Variants in FAM120B observed in about 807,000 individuals in gnomAD.
The protein encoded by FAM120B is constitutive coactivator of peroxisome proliferator-activated receptor gamma.
In FAM120B, 83 loss-of-function variants were observed where a neutral mutation model predicts 96.3. The ratio of observed to expected loss-of-function variants is 0.86; its 90% CI spans 0.72 to 1.03. The LOEUF (loss-of-function observed/expected upper bound fraction) is 1.03. FAM120B is among the 50% of genes least tolerant of loss of function. FAM120B has a pLI of 0.00. For synonymous variants in FAM120B, 407 were observed against 402.7 expected, an observed-to-expected ratio of 1.01 and a Z score of -0.13; for missense variants, 1,027 against 1,121.2, an observed-to-expected ratio of 0.92 and a Z score of 1.20.
chr6:170,327,919 G>A (rs906034057), intron 3 of FAM120B, among the ~76,000 whole-genome samples: 1 of 152,174 alleles, frequency 6.6e-6, no homozygotes, highest in Admixed American at 6.5e-5. Context: ...GCACACGCAG[G>A]CTGCTCTGGT....
At chr6:170,356,506 A>T in intron 5 of FAM120B, among the ~76,000 whole-genome samples, 1 of 152,222 alleles carries the variant, frequency 6.6e-6, no homozygotes. Flanking sequence ...TGTTCAGTGC[A>T]TGAAAATGAC....
intron 2 of FAM120B, among the ~76,000 whole-genome samples, chr6:170,320,207 T>C (rs534262639): frequency 5.0e-4 from 76 of 152,322 alleles, no homozygotes; most frequent in African/African-American, 1.8e-3. Context: ...TACAACTACA[T>C]AGATCTGTAA....
chr6:170,303,275 T>C (rs1473400323), upstream of FAM120B, among the ~76,000 whole-genome samples: 1 of 152,224 alleles, frequency 6.6e-6, no homozygotes, highest in Non-Finnish European at 1.5e-5. Context: ...CGTCCTACTC[T>C]GTCACCCAGG....
intron 6 of FAM120B, among the ~76,000 whole-genome samples, chr6:170,368,823 G>GC (rs146108401): frequency 0.13 from 16,734 of 125,256 alleles, 1,157 homozygotes; most frequent in East Asian, 0.22. Flanking sequence ...CCGGGGCTGG[G>GC]GGGGGGGCTC....
chr6:170,388,234 C>T (rs182930196), intron 6 of FAM120B, 53 bp from the exon 7 acceptor site: 4 of 1,497,370 alleles, frequency 2.7e-6, no homozygotes, highest in Middle Eastern at 4.7e-4. Context: ...GATCTGTTTC[C>T]TGCATGTGTG....
At chr6:170,400,680 G>T (rs1204318976) in intron 9 of FAM120B, among the ~76,000 whole-genome samples, 1 of 152,134 alleles carries the variant, frequency 6.6e-6, no homozygotes, top group Non-Finnish European at 1.5e-5. Context: ...TTCCTTTCCT[G>T]GCATTAATTC....
chr6:170,384,469 G>A (rs367666481), intron 6 of FAM120B, among the ~76,000 whole-genome samples: 1 of 152,168 alleles, frequency 6.6e-6, no homozygotes, highest in Admixed American at 6.5e-5. Flanking sequence ...AAGCTGTTCC[G>A]TGCAGCTGCT....
intron 4 of FAM120B, among the ~76,000 whole-genome samples, chr6:170,346,139 T>C (rs957998559): frequency 6.6e-6 from 1 of 152,228 alleles, no homozygotes; most frequent in Admixed American, 6.5e-5. Flanking sequence ...AAAATGTTGT[T>C]ATGTGGCGCA....
chr6:170,343,474 G>A (rs1786972837), intron 4 of FAM120B, among the ~76,000 whole-genome samples: 1 of 151,984 alleles, frequency 6.6e-6, no homozygotes, highest in South Asian at 2.1e-4. Flanking sequence ...GCAAAATATT[G>A]ATTGAATTTA....
At chr6:170,330,407 G>A (rs887979044) in intron 3 of FAM120B, 42 bp from the exon 4 acceptor site, 36 of 1,499,662 alleles carry the variant, frequency 2.4e-5, no homozygotes, top group Non-Finnish European at 3.3e-5. Context: ...GCCTGGCGAT[G>A]CATGCCCTCA....
At chr6:170,298,604 T>C (rs1254974398) in intron 1 of FAM120B, among the ~76,000 whole-genome samples, 1 of 152,042 alleles carries the variant, frequency 6.6e-6, no homozygotes, top group Non-Finnish European at 1.5e-5. Flanking sequence ...CTCATGATCA[T>C]ACAATGCCTT....
rs542643484 is a variant in FAM120B, at chr6:170,359,375, A to G, written c.2283+1057A>G. Among the ~76,000 whole-genome samples the G allele has an allele frequency of 5.9e-5, 9 of 151,458 alleles. No homozygotes were observed. In the East Asian group the frequency reaches 1.8e-3, roughly 30 times the overall value. On this transcript the variant is annotated intron_variant, in intron 6 of 10. Coordinates refer to ENST00000476287, the MANE Select transcript of FAM120B (RefSeq NM_032448.3). ...GCCATTGCACTCCAACCTGGGCAAC[A>G]AGAGCGAAACTCTGTCTCAAAAAAA... is the stretch of plus-strand genomic sequence containing the variant.
chr6:170,346,777 A>G (rs1164613759), intron 4 of FAM120B, among the ~76,000 whole-genome samples: 1 of 152,084 alleles, frequency 6.6e-6, no homozygotes, highest in African/African-American at 2.4e-5. Context: ...GGTGCATAAA[A>G]ACAGGCAGGA....
At chr6:170,306,898 G>C (rs1040808550) in intron 1 of FAM120B, 56 bp downstream of exon 1, 1 of 152,416 alleles carries the variant, frequency 6.6e-6, no homozygotes, top group Middle Eastern at 3.4e-3. Flanking sequence ...CGGCCTGCGT[G>C]ACCGTCCGTT....
At chr6:170,306,104 C>A (rs1009839186), upstream of FAM120B, among the ~76,000 whole-genome samples, 2 of 152,224 alleles carry the variant, frequency 1.3e-5, no homozygotes, top group African/African-American at 4.8e-5. Flanking sequence ...ACTAGCAAAC[C>A]TGCCTGAAAC....
intron 3 of FAM120B, among the ~76,000 whole-genome samples, chr6:170,327,464 C>T (rs9348268): frequency 0.13 from 19,668 of 152,216 alleles, 1,448 homozygotes; most frequent in East Asian, 0.31. Flanking sequence ...AAAAAGCAGG[C>T]AGATTTGACC....
intron 6 of FAM120B, among the ~76,000 whole-genome samples, chr6:170,360,608 G>A (rs781765257): frequency 6.6e-5 from 10 of 152,150 alleles, no homozygotes; most frequent in Non-Finnish European, 1.0e-4. Flanking sequence ...GTATACAAAC[G>A]TAGCAGAGAC....
intron 5 of FAM120B, among the ~76,000 whole-genome samples, chr6:170,350,426 G>C (rs769022808): frequency 1.3e-5 from 2 of 152,180 alleles, no homozygotes; most frequent in Non-Finnish European, 2.9e-5. Context: ...CCCATCTCCA[G>C]TGCAGCACAT....
At chr6:170,349,912 G>A (rs1250191907) in intron 5 of FAM120B, among the ~76,000 whole-genome samples, 2 of 152,136 alleles carry the variant, frequency 1.3e-5, no homozygotes, top group South Asian at 2.1e-4. Context: ...ACAGTATGGA[G>A]CCAAAGGAAC....
Sources: gnomAD v4.1 joint callset for allele counts (sites outside exome capture counted in the v4.1 genomes callset) on GRCh38, gnomAD v4.1.1 for gene constraint, MANE v1.5 for transcripts, NCBI Gene and HGNC (gene_info 2026-07-23, HGNC 2026-07-21) for gene names.